Variants in SLC16A7 observed in about 807,000 individuals in gnomAD.
SLC16A7 encodes solute carrier family 16 member 7, also known as monocarboxylate transporter 2.
SLC16A7 carries 33 observed loss-of-function variants against 34.9 expected under a neutral mutation model. The ratio of observed to expected loss-of-function variants is 0.94; its 90% CI spans 0.72 to 1.26. The LOEUF is 1.26. SLC16A7 is among the 50% of genes most tolerant of loss of function. The pLI is 0.00. For synonymous variants in SLC16A7, 201 were observed against 206.6 expected, an observed-to-expected ratio of 0.97 and a Z score of 0.23; for missense variants, 573 against 578.1, an observed-to-expected ratio of 0.99 and a Z score of 0.09.
At chr12:59,763,106 G>A (rs1270250163) in intron 3 of SLC16A7, among the ~76,000 whole-genome samples, 1 of 151,882 alleles carries the variant, frequency 6.6e-6, no homozygotes, top group African/African-American at 2.4e-5. Context: ...ATCAAAATAA[G>A]ATAATTACTG....
At chr12:59,676,342 A>G (rs984471253) in intron 2 of SLC16A7, among the ~76,000 whole-genome samples, 1 of 152,188 alleles carries the variant, frequency 6.6e-6, no homozygotes, top group African/African-American at 2.4e-5. Context: ...AATATTTTAA[A>G]TTGAACTTTT....
chr12:59,708,632 C>G (rs1009733780), intron 3 of SLC16A7, among the ~76,000 whole-genome samples: 1 of 152,094 alleles, frequency 6.6e-6, no homozygotes, highest in African/African-American at 2.4e-5. Context: ...CACCTAAGAT[C>G]TGACACATTC....
Position 59,685,885 on chromosome 12 carries a change from T to C in SLC16A7, c.-30-18887T>C, listed in dbSNP as rs368508596. Among the ~76,000 whole-genome samples the C allele has an allele frequency of 1.4e-3, 211 of 152,074 alleles. 1 individual carries two copies. The highest frequency in any genetic ancestry group is 6.8e-3 in the Middle Eastern group (2 of 294). ...TAATTTAATCTTCATGAATGAAAAA[T>C]TATCTAAACATATACCAGATTCTCT... On this transcript the variant is annotated intron_variant, in intron 2 of 5. Coordinates refer to ENST00000547379, the MANE Select transcript of SLC16A7 (RefSeq NM_001270623.2).
At chr12:59,694,540 A>G (rs1435380807) in intron 2 of SLC16A7, among the ~76,000 whole-genome samples, 1 of 151,458 alleles carries the variant, frequency 6.6e-6, no homozygotes, top group African/African-American at 2.4e-5. Flanking sequence ...AACACAACAT[A>G]AGATCTACCC....
At chr12:59,769,483 CTGT>C (rs2137432290) in intron 3 of SLC16A7, among the ~76,000 whole-genome samples, 1 of 152,124 alleles carries the variant, frequency 6.6e-6, no homozygotes, top group East Asian at 1.9e-4. Flanking sequence ...CCTCCAAACC[CTGT>C]TGTTTTTATA....
In SLC16A7 at chr12:59,686,583, A is replaced by G. The variant is rs12309542; in HGVS notation, c.-30-18189A>G. On this transcript the variant is annotated intron_variant, in intron 2 of 5. Coordinates refer to ENST00000547379, the MANE Select transcript of SLC16A7 (RefSeq NM_001270623.2). ...GGTTAGTAGCATGTTTTGCAGTATA[A>G]TACTCTTAAAAACATTAAAAAGATC... is the stretch of plus-strand genomic sequence containing the variant. 1.4e-3 allele frequency among the ~76,000 whole-genome samples: 211 copies of G among 152,154 alleles called. 1 individual carries two copies. The highest frequency in any genetic ancestry group is 4.7e-3 in the African/African-American group (197 of 41,534).
intron 3 of SLC16A7, among the ~76,000 whole-genome samples, chr12:59,759,010 G>T (rs1273721893): frequency 1.4e-5 from 2 of 147,854 alleles, no homozygotes; most frequent in Admixed American, 1.3e-4. Flanking sequence ...CTTCTGTATG[G>T]ACTTTTTTTT....
rs147235524 is a variant in SLC16A7 at position 59,756,088 on chromosome 12, C to T, written c.218-15131C>T. Among the ~76,000 whole-genome samples, 265 of 152,176 alleles carry T rather than the reference C, an allele frequency of 1.7e-3. 1 individual carries two copies. The highest frequency in any genetic ancestry group is 5.8e-3 in the African/African-American group (240 of 41,494). ...GCTGAAACTGGATCCCTTCCTTACA[C>T]CTTATACAAAAATTAATTCAAGATG... On this transcript the variant is annotated intron_variant, in intron 3 of 5. Transcript: ENST00000547379.
At chr12:59,702,546 A>G (rs1232182777) in intron 2 of SLC16A7, among the ~76,000 whole-genome samples, 1 of 152,184 alleles carries the variant, frequency 6.6e-6, no homozygotes, top group East Asian at 1.9e-4. Context: ...CTTTGCCCCA[A>G]TTACTGTGAT....
chr12:59,773,535 G>GTTTATATAAGCCCAAT (rs2137449850), intron 4 of SLC16A7, among the ~76,000 whole-genome samples: 1 of 151,440 alleles, frequency 6.6e-6, no homozygotes, highest in South Asian at 2.1e-4. Context: ...ACAAGAGATA[G>GTTTATATAAGCCCAAT]TTTATATAAG....
chr12:59,674,280 A>C (rs1592472991), intron 2 of SLC16A7, among the ~76,000 whole-genome samples: 1 of 152,332 alleles, frequency 6.6e-6, no homozygotes, highest in East Asian at 1.9e-4. Context: ...TAAAAGGATT[A>C]TATACTCCAT....
chr12:59,606,515 A>AT (rs1878946862), intron 1 of SLC16A7, among the ~76,000 whole-genome samples: 1 of 152,196 alleles, frequency 6.6e-6, no homozygotes. Context: ...TTTTATACAT[A>AT]TTTTGAATCC....
In SLC16A7 at chr12:59,775,313, C is replaced by A. The variant is rs1181988145; in HGVS notation, c.1018C>A (p.Leu340Met). The A allele has an allele frequency of 6.2e-7, 1 of 1,614,036 alleles. No individual in the cohort carries two copies. Among genetic ancestry groups the A allele is most frequent in the African/African-American group, 1.3e-5 (1 of 74,922 alleles). Residue 340 changes from leucine to methionine, a missense_variant, in exon 5 of 6, where the codon CTG (leucine) becomes ATG (methionine). By Grantham distance (15) the Leu-to-Met change is conservative (BLOSUM62 2). Coordinates refer to ENST00000547379, the MANE Select transcript of SLC16A7 (RefSeq NM_001270623.2). ...LCPLAQDYTS[L>M]VLYAVFFGLG... The stretch of plus-strand genomic sequence containing the variant: ...CCCACTGGCACAGGACTACACAAGC[C>A]TGGTATTATATGCTGTATTTTTTGG...
At chr12:59,605,967 G>A (rs1878919317) in intron 1 of SLC16A7, among the ~76,000 whole-genome samples, 1 of 152,124 alleles carries the variant, frequency 6.6e-6, no homozygotes, top group Admixed American at 6.5e-5. Flanking sequence ...TTTATGAGTT[G>A]TTGTTGGAGA....
chr12:59,730,245 G>T lies in SLC16A7; in HGVS notation c.217+25227G>T, dbSNP rs571387116. On this transcript the variant is annotated intron_variant, in intron 3 of 5. Transcript: ENST00000547379. ...AAAAACACTTCTGACTCATATTTAGGCACCTCTCCGTTAGCACTGTCTACC... is the reference window on the plus strand; with the variant it reads ...AAAAACACTTCTGACTCATATTTAGTCACCTCTCCGTTAGCACTGTCTACC... Among the ~76,000 whole-genome samples, 324 of 150,934 alleles carry T rather than the reference G, an allele frequency of 2.1e-3. 2 individuals are homozygous for T. Among genetic ancestry groups the T allele is most frequent in the African/African-American group, 6.9e-3 (285 of 41,110 alleles).
intron 3 of SLC16A7, among the ~76,000 whole-genome samples, chr12:59,763,073 A>G (rs12817723): frequency 0.078 from 11,793 of 152,134 alleles, 550 homozygotes; most frequent in Middle Eastern, 0.17. Flanking sequence ...AAAATATTCT[A>G]TTATACTTTT....
chr12:59,618,349 T>A (rs943595059), intron 1 of SLC16A7, among the ~76,000 whole-genome samples: 1 of 151,960 alleles, frequency 6.6e-6, no homozygotes, highest in African/African-American at 2.4e-5. Flanking sequence ...ACTTTTTCTA[T>A]CTATGTTTCC....
rs1028219083 is a variant in SLC16A7 at position 59,602,391 on chromosome 12, C to T, written c.-130+6155C>T. Among the ~76,000 whole-genome samples the T allele has an allele frequency of 7.3e-5, 11 of 151,524 alleles. No individual in the cohort carries two copies. The East Asian group carries it at 2.1e-3, about 29-fold the overall frequency. ...TCATGTGCTCTTTATTTTGTTACTT[C>T]TCTCACCGCTCATTTACTGCTTCTT... On this transcript the variant is annotated intron_variant, in intron 1 of 5. Transcript: ENST00000547379.
intron 1 of SLC16A7, among the ~76,000 whole-genome samples, chr12:59,640,838 T>C (rs1248931711): frequency 6.6e-6 from 1 of 152,084 alleles, no homozygotes; most frequent in African/African-American, 2.4e-5. Context: ...GAAAATATTT[T>C]GGTGTTTTGC....
Sources: gnomAD v4.1 joint callset for allele counts (sites outside exome capture counted in the v4.1 genomes callset) on GRCh38, gnomAD v4.1.1 for gene constraint, MANE v1.5 for transcripts, NCBI Gene and HGNC (gene_info 2026-07-23, HGNC 2026-07-21) for gene names.